GAB1: variants seen among roughly 807,000 people sequenced by gnomAD.
GAB1 encodes the protein GRB2-associated-binding protein 1.
In GAB1, 19 loss-of-function variants were observed where a neutral mutation model predicts 66.5. The observed-to-expected ratio is 0.29, with a 90% confidence interval of 0.20 to 0.42. The LOEUF is 0.42. Ranked by LOEUF, GAB1 falls within the 10% of genes least tolerant of loss-of-function variation. The probability of loss-of-function intolerance (pLI) is 1.00; values close to 1 mark genes in which losing one functional copy is unlikely to be tolerated. For synonymous variants in GAB1, 294 were observed against 301.4 expected (o/e 0.98, Z 0.25); for missense variants, 732 against 858.5 (o/e 0.85, Z 1.84).
intron 2 of GAB1, among the ~76,000 whole-genome samples, chr4:143,421,596 T>C (rs541688624): frequency 9.2e-5 from 14 of 152,206 alleles, no homozygotes; most frequent in African/African-American, 3.4e-4. Flanking sequence ...TATTGGGTGT[T>C]AGTGGTATCT....
chr4:143,409,387 C>CCCT (rs1553949810), intron 1 of GAB1, among the ~76,000 whole-genome samples: 2 of 129,136 alleles, frequency 1.5e-5, no homozygotes, highest in African/African-American at 6.5e-5. Context: ...TTTGAACTTT[C>CCCT]CCCCCCCCCG....
In GAB1 at chr4:143,339,474, G is replaced by A. The variant is rs79237527; in HGVS notation, c.72+2214G>A. 1.5e-3 allele frequency among the ~76,000 whole-genome samples: 229 copies of A among 152,386 alleles called. 5 individuals are homozygous for A. In the East Asian group the frequency reaches 0.039, roughly 26 times the overall value. ...TGCAGTGAGCAGAGTTTGTGCCATT[G>A]CACTGCAGCCTGGATGACAGGGTGA... On this transcript the variant is annotated intron_variant, in intron 1 of 9. Transcript: ENST00000262994.
chr4:143,465,965 T>C, intron 8 of GAB1, 138 bp from the exon 9 acceptor site: 1 of 831,362 alleles, frequency 1.2e-6, no homozygotes. Flanking sequence ...TTATTTTCTT[T>C]CTATCCTAAA....
At chr4:143,338,712 G>GTGTGTGTGTGTGT (rs1728734926) in intron 1 of GAB1, among the ~76,000 whole-genome samples, 3 of 149,180 alleles carry the variant, frequency 2.0e-5, no homozygotes, top group African/African-American at 7.5e-5. Flanking sequence ...GAAAGGTAGG[G>GTGTGTGTGTGTGT]GTGTGTGTGT....
chr4:143,455,665 A>G (rs1229558441), intron 6 of GAB1, among the ~76,000 whole-genome samples: 2 of 152,228 alleles, frequency 1.3e-5, no homozygotes, highest in Non-Finnish European at 2.9e-5. Flanking sequence ...ATTCACGTAG[A>G]TGTCCCCCCA....
chr4:143,390,917 G>A (rs1389530309), intron 1 of GAB1, among the ~76,000 whole-genome samples: 1 of 152,148 alleles, frequency 6.6e-6, no homozygotes, highest in Non-Finnish European at 1.5e-5. Context: ...AAGTGTGGAG[G>A]CAGCATGCGC....
Position 143,460,492 on chromosome 4 carries a change from G to A in GAB1, c.1803+5G>A. 6.2e-7 allele frequency: 1 copy of A among 1,613,180 alleles called. No homozygotes were observed. Among genetic ancestry groups the A allele is most frequent in the Non-Finnish European group, 8.5e-7 (1 of 1,179,506 alleles). On this transcript the variant is annotated splice_donor_5th_base_variant and intron_variant, in intron 8 of 9. Coordinates refer to ENST00000262994, the MANE Select transcript of GAB1 (RefSeq NM_002039.4). ...AACCTGTCCAGTGAAGACCCAGTAT[G>A]TAAAGTTTTAACTTTTCCCTTTCTG...
At chr4:143,399,158 G>A (rs971784992) in intron 1 of GAB1, among the ~76,000 whole-genome samples, 3 of 152,124 alleles carry the variant, frequency 2.0e-5, no homozygotes, top group Non-Finnish European at 4.4e-5. Flanking sequence ...TCACGTCTAG[G>A]ACATCTGAAA....
chr4:143,411,212 G>C (rs1466827738), intron 1 of GAB1, among the ~76,000 whole-genome samples: 1 of 152,108 alleles, frequency 6.6e-6, no homozygotes, highest in African/African-American at 2.4e-5. Flanking sequence ...TATCCTGTAG[G>C]CACAGGGGGC....
chr4:143,363,156 C>T (rs1014095366), intron 1 of GAB1, among the ~76,000 whole-genome samples: 2 of 152,164 alleles, frequency 1.3e-5, no homozygotes. Context: ...ACCAGCATTC[C>T]TCCTCATAGA....
At chr4:143,366,803 A>C (rs915677931) in intron 1 of GAB1, among the ~76,000 whole-genome samples, 4 of 152,064 alleles carry the variant, frequency 2.6e-5, no homozygotes, top group Admixed American at 2.6e-4. Context: ...TTTCAATTTG[A>C]AAAAATTGAT....
At position 143,425,624 on chromosome 4, in the gene GAB1, A is replaced by G. The variant is rs926145306; in HGVS notation, c.368-7867A>G. The G allele has an allele frequency of 1.6e-5, 12 of 761,658 alleles. No homozygotes were observed. The East Asian group carries it at 1.9e-4, about 12-fold the overall frequency. 47.2% of individuals were successfully genotyped at this position (761,658 alleles called of 1,614,324 possible). On this transcript the variant is annotated intron_variant, in intron 2 of 9. Coordinates refer to ENST00000262994, the MANE Select transcript of GAB1 (RefSeq NM_002039.4). Reference sequence around the variant, plus strand: ...GTGGCACCATTTCCCGTGAACATCCATGGGAGGTCATGCCTGAACTCTACT... The same window carrying G: ...GTGGCACCATTTCCCGTGAACATCCGTGGGAGGTCATGCCTGAACTCTACT...
At chr4:143,417,982 A>C (rs1732787399) in intron 2 of GAB1, among the ~76,000 whole-genome samples, 2 of 152,234 alleles carry the variant, frequency 1.3e-5, no homozygotes, top group Non-Finnish European at 2.9e-5. Flanking sequence ...TTCGGATTGA[A>C]GTGGAGCTAA....
chr4:143,429,655 C>G (rs961835859), intron 2 of GAB1, among the ~76,000 whole-genome samples: 2 of 150,934 alleles, frequency 1.3e-5, no homozygotes, highest in African/African-American at 4.9e-5. Context: ...CCAATTTTCC[C>G]AAGGGGCTGA....
At chr4:143,406,112 T>A (rs1732029321) in intron 1 of GAB1, among the ~76,000 whole-genome samples, 1 of 152,180 alleles carries the variant, frequency 6.6e-6, no homozygotes, top group Non-Finnish European at 1.5e-5. Flanking sequence ...GATGTGGGAC[T>A]TGCAGAGCTA....
chr4:143,343,939 C>T (rs1728907544), intron 1 of GAB1, among the ~76,000 whole-genome samples: 1 of 152,162 alleles, frequency 6.6e-6, no homozygotes, highest in Non-Finnish European at 1.5e-5. Context: ...ATCTAATGTT[C>T]CTCATGGGTT....
intron 1 of GAB1, among the ~76,000 whole-genome samples, chr4:143,404,039 A>G (rs1689674908): frequency 6.6e-6 from 1 of 152,238 alleles, no homozygotes; most frequent in South Asian, 2.1e-4. Flanking sequence ...GTTTTTAAAC[A>G]GTGATCCAAA....
chr4:143,457,835 T>C, intron 6 of GAB1: 1 of 887,722 alleles, frequency 1.1e-6, no homozygotes, highest in South Asian at 1.7e-5. Flanking sequence ...TTTTTTGTTT[T>C]TTTTCTAAAA....
chr4:143,417,955 A>G (rs1732785768), intron 2 of GAB1, among the ~76,000 whole-genome samples: 1 of 152,224 alleles, frequency 6.6e-6, no homozygotes, highest in African/African-American at 2.4e-5. Flanking sequence ...AAATTGTGTT[A>G]ATAATCAACA....
Sources: allele counts gnomAD v4.1 joint callset (sites outside exome capture counted in the v4.1 genomes callset), GRCh38; gene constraint gnomAD v4.1.1; transcripts MANE v1.5; gene names NCBI Gene and HGNC (gene_info 2026-07-23, HGNC 2026-07-21).